Variants in RASGRP3 observed in about 807,000 individuals in gnomAD.
The protein encoded by RASGRP3 is RAS guanyl releasing protein 3.
RASGRP3 carries 54 observed loss-of-function variants against 82.7 expected under a neutral mutation model. The ratio of observed to expected loss-of-function variants is 0.65; its 90% confidence interval spans 0.52 to 0.82. The LOEUF is 0.82. RASGRP3 is among the 40% of genes least tolerant of loss of function. The pLI is 0.00. For missense variants in RASGRP3, 861 were observed against 828.9 expected (o/e 1.04, Z -0.48); for synonymous variants, 309 against 300.5 (o/e 1.03, Z -0.29).
At chr2:33,473,297 G>C (rs1419193298), upstream of RASGRP3, among the ~76,000 whole-genome samples, 2 of 152,022 alleles carry the variant, frequency 1.3e-5, no homozygotes, top group Admixed American at 1.3e-4. Context: ...GCAGGAGAAT[G>C]GCTTGAACCT....
intron 10 of RASGRP3, among the ~76,000 whole-genome samples, chr2:33,527,751 C>A (rs1010385002): frequency 6.6e-6 from 1 of 152,184 alleles, no homozygotes; most frequent in Non-Finnish European, 1.5e-5. Context: ...TGTATGTCCT[C>A]CAGTCATCTG....
chr2:33,481,181 A>T (rs898168568), intron 1 of RASGRP3: 1 of 152,606 alleles, frequency 6.6e-6, no homozygotes, highest in Non-Finnish European at 1.5e-5. Context: ...TTTGTTTTTC[A>T]GATGGAGTTT....
rs145448146 is a variant in RASGRP3 at position 33,543,698 on chromosome 2, G to A, written c.1394+71G>A. On this transcript the variant is annotated intron_variant, in intron 13 of 17. Coordinates refer to ENST00000403687, the MANE Select transcript of RASGRP3 (RefSeq NM_001139488.2). ...GAAAATTATTATCAGAGGAGAGAAG[G>A]GAAACTTGTAATTTGCATCTTGACA... 6.5e-5 allele frequency: 72 copies of A among 1,102,930 alleles called. No individual in the cohort carries two copies. In the African/African-American group the frequency reaches 9.9e-4, roughly 15 times the overall value. 68.3% of individuals were successfully genotyped at this position (1,102,930 alleles called of 1,614,324 possible).
At chr2:33,473,280 G>C (rs1027845012), upstream of RASGRP3, among the ~76,000 whole-genome samples, 31 of 152,178 alleles carry the variant, frequency 2.0e-4, no homozygotes, top group Non-Finnish European at 3.5e-4. Flanking sequence ...CTACTCAGGA[G>C]GCTGAGGCAG....
chr2:33,463,695 T>G (rs2150903345), intron 2 of RASGRP3, among the ~76,000 whole-genome samples: 1 of 150,382 alleles, frequency 6.6e-6, no homozygotes, highest in Middle Eastern at 3.4e-3. Context: ...GCCTCCCAGG[T>G]TCAAGCGATT....
intron 1 of RASGRP3, among the ~76,000 whole-genome samples, chr2:33,510,377 C>A (rs1670814035): frequency 6.6e-6 from 1 of 152,180 alleles, no homozygotes; most frequent in African/African-American, 2.4e-5. Flanking sequence ...GTCATTTTGG[C>A]ATACTTCCTA....
At chr2:33,554,099 T>C (rs972793559) in intron 14 of RASGRP3, among the ~76,000 whole-genome samples, 2 of 152,216 alleles carry the variant, frequency 1.3e-5, no homozygotes, top group African/African-American at 4.8e-5. Flanking sequence ...AAAGGAATCC[T>C]TGAGTTTTCT....
chr2:33,550,031 G>A (rs1002263683), intron 14 of RASGRP3, among the ~76,000 whole-genome samples: 7 of 152,190 alleles, frequency 4.6e-5, no homozygotes, highest in African/African-American at 1.7e-4. Flanking sequence ...AGCCCAATGA[G>A]CCCTGGCATT....
At chr2:33,520,733 G>A in intron 6 of RASGRP3, 49 bp downstream of exon 6, 1 of 1,603,416 alleles carries the variant, frequency 6.2e-7, no homozygotes, top group Non-Finnish European at 8.5e-7. Context: ...CACCACTTAG[G>A]GGAGGAAGTA....
rs571267435 is a variant in RASGRP3 at position 33,457,841 on chromosome 2, A to G, written c.-261+9898A>G. On this transcript the variant is annotated intron_variant, in intron 2 of 18. Transcript: ENST00000402538. ...TCTCCTACTACTTCAGAAAATGGTT[A>G]AAAAAAGTTTTAAAGTATATTTATA... Among the ~76,000 whole-genome samples, 7 of 152,268 alleles carry G rather than the reference A, an allele frequency of 4.6e-5. No individual in the cohort carries two copies. The East Asian group carries it at 1.3e-3, about 29-fold the overall frequency.
upstream of RASGRP3, among the ~76,000 whole-genome samples, chr2:33,474,154 C>T (rs1667222032): frequency 6.6e-6 from 1 of 151,978 alleles, no homozygotes; most frequent in African/African-American, 2.4e-5. Context: ...GCTGGGGACT[C>T]CTGCTTTACA....
At position 33,512,633 on chromosome 2, in the gene RASGRP3, C is replaced by T. The variant is rs116384296; in HGVS notation, c.-128+791C>T. 9.6e-3 allele frequency among the ~76,000 whole-genome samples: 1,457 copies of T among 152,264 alleles called. 27 individuals carry two copies. The highest frequency in any genetic ancestry group is 0.033 in the African/African-American group (1,386 of 41,560). On this transcript the variant is annotated intron_variant, in intron 2 of 17. Coordinates refer to ENST00000403687, the MANE Select transcript of RASGRP3 (RefSeq NM_001139488.2). Reference sequence around the variant, plus strand: ...ACTTAAAGCTGATTTAGTAAACAAACTTCAAAAAGTCTCTTAAAAATGTAT... The same window carrying T: ...ACTTAAAGCTGATTTAGTAAACAAATTTCAAAAAGTCTCTTAAAAATGTAT...
chr2:33,547,049 CA>C (rs1448675526), intron 13 of RASGRP3, among the ~76,000 whole-genome samples: 2 of 84,620 alleles, frequency 2.4e-5, no homozygotes, highest in African/African-American at 9.6e-5. Flanking sequence ...ATCTCTGTCT[CA>C]GGGAAAAAAA....
At chr2:33,547,849 G>A (rs1342691229) in intron 13 of RASGRP3, among the ~76,000 whole-genome samples, 1 of 152,024 alleles carries the variant, frequency 6.6e-6, no homozygotes, top group African/African-American at 2.4e-5. Flanking sequence ...AGAGGAAGGA[G>A]GAGAAGCGGG....
chr2:33,516,420 A>C, intron 3 of RASGRP3, 122 bp from the exon 4 acceptor site: 1 of 638,320 alleles, frequency 1.6e-6, no homozygotes, highest in East Asian at 2.9e-5. Flanking sequence ...AAGAAATAAA[A>C]TAAAAGATCA....
chr2:33,445,918 G>A (rs1665474324), intron 1 of RASGRP3, among the ~76,000 whole-genome samples: 1 of 152,050 alleles, frequency 6.6e-6, no homozygotes, highest in Non-Finnish European at 1.5e-5. Context: ...TCTTAATATT[G>A]GAGGAAAAGC....
rs145916827 is a variant in RASGRP3, at chr2:33,459,291, C to T, written c.-261+11348C>T. Among the ~76,000 whole-genome samples the T allele has an allele frequency of 1.2e-3, 187 of 152,202 alleles. 2 individuals are homozygous for T. The East Asian group carries it at 0.03, about 24-fold the overall frequency. ...CTGGGACTACAGGCGCCCGCCACCA[C>T]GCCCTGCTAATTTTTTGTATTTTTA... On this transcript the variant is annotated intron_variant, in intron 2 of 18. Transcript: ENST00000402538.
At chr2:33,467,655 G>A (rs1031128331) in intron 2 of RASGRP3, among the ~76,000 whole-genome samples, 1 of 152,222 alleles carries the variant, frequency 6.6e-6, no homozygotes, top group Non-Finnish European at 1.5e-5. Flanking sequence ...ACTTGACGCA[G>A]CTTGTGTGGA....
intron 1 of RASGRP3, among the ~76,000 whole-genome samples, chr2:33,491,725 T>C (rs1343183847): frequency 6.6e-6 from 1 of 152,204 alleles, no homozygotes; most frequent in Non-Finnish European, 1.5e-5. Flanking sequence ...AAAGCTACCA[T>C]TGGATAGTGT....
Sources: gnomAD v4.1 joint callset for allele counts (sites outside exome capture counted in the v4.1 genomes callset) on GRCh38, gnomAD v4.1.1 for gene constraint, MANE v1.5 for transcripts, NCBI Gene and HGNC (gene_info 2026-07-23, HGNC 2026-07-21) for gene names.